SASH1: variants seen among roughly 807,000 people sequenced by gnomAD.
SASH1 encodes the protein SAM and SH3 domain containing 1.
Under a neutral mutation model 125.2 loss-of-function variants are expected in SASH1, and 44 were observed. The observed-to-expected ratio is 0.35, with a 90% CI of 0.28 to 0.45. SASH1 has a LOEUF of 0.45. Among genes scored for constraint, SASH1 ranks in the 20% least tolerant of loss-of-function variants. The pLI is 1.00. For missense variants in SASH1, 1,426 were observed against 1,614.5 expected, an observed-to-expected ratio of 0.88 and a Z score of 2.00; for synonymous variants, 639 against 649.1, an observed-to-expected ratio of 0.98 and a Z score of 0.24.
chr6:148,410,283 G>C (rs1290571426), intron 2 of SASH1, among the ~76,000 whole-genome samples: 1 of 151,532 alleles, frequency 6.6e-6, no homozygotes, highest in Non-Finnish European at 1.5e-5. Flanking sequence ...GCTAATTTTT[G>C]TATTTTTAGT....
rs6907377 is a variant in SASH1 at position 148,306,434 on chromosome 6, T to C, written n.74+34057T>C. ...GGCCTCAGCTGGGTCCCAGGGAAAC[T>C]CTTGTTGATTGGCAAGACTCTTCAC... On this transcript the variant is annotated intron_variant and non_coding_transcript_variant, in intron 1 of 3. Transcript: ENST00000367469. Among the ~76,000 whole-genome samples, 590 of 152,248 alleles carry C rather than the reference T, an allele frequency of 3.9e-3. 2 individuals are homozygous for C. Among genetic ancestry groups the C allele is most frequent in the African/African-American group, 0.014 (568 of 41,554 alleles).
intron 4 of SASH1, among the ~76,000 whole-genome samples, chr6:148,449,409 C>T (rs1315202909): frequency 5.1e-5 from 7 of 136,202 alleles, no homozygotes; most frequent in Non-Finnish European, 7.8e-5. Context: ...TTTTCTGAGA[C>T]GTAGTTTCGC....
chr6:148,376,682 G>A (rs1250797830), intron 1 of SASH1, among the ~76,000 whole-genome samples: 3 of 151,716 alleles, frequency 2.0e-5, no homozygotes, highest in Non-Finnish European at 4.4e-5. Flanking sequence ...GGGCAACATG[G>A]TGAAACTCCC....
At chr6:148,438,960 T>C (rs1184970331) in intron 2 of SASH1, among the ~76,000 whole-genome samples, 1 of 152,204 alleles carries the variant, frequency 6.6e-6, no homozygotes, top group Non-Finnish European at 1.5e-5. Flanking sequence ...AACTTTGCTC[T>C]GAGTTATACT....
intron 2 of SASH1, among the ~76,000 whole-genome samples, chr6:148,434,371 G>A (rs1475832466): frequency 1.3e-5 from 2 of 152,038 alleles, no homozygotes; most frequent in African/African-American, 2.4e-5. Context: ...CACCGTGCGC[G>A]GCCTGGAGAT....
chr6:148,270,949 G>A (rs190473339), upstream of SASH1, among the ~76,000 whole-genome samples: 28 of 137,466 alleles, frequency 2.0e-4, no homozygotes, highest in Admixed American at 1.7e-3. Flanking sequence ...CGCTCTTGTC[G>A]CCCACGCTGG....
In SASH1 at chr6:148,544,291, C is replaced by G. The variant is rs756862529; in HGVS notation, c.2821C>G (p.His941Asp). ...NYDAQPPGAK[H>D]GLARTPLEGH... Reference sequence around the variant, plus strand: ...TGATGCTCAGCCTCCTGGAGCTAAACACGGTTTAGCAAGGACGCCTCTGGA... The same window carrying G: ...TGATGCTCAGCCTCCTGGAGCTAAAGACGGTTTAGCAAGGACGCCTCTGGA... The change falls in exon 18 of 20, where the codon CAC becomes GAC. Residue 941 changes from histidine to aspartate, a missense_variant. This residue lies in a region of SASH1 where 634 missense variants were observed against 694.4 expected (regional missense o/e 0.91). Coordinates refer to ENST00000367467, the MANE Select transcript of SASH1 (RefSeq NM_015278.5). The surrounding 1 kb of genome is among the most constrained non-coding windows in gnomAD (Gnocchi z 6.4). 6 of 1,614,020 alleles carry G rather than the reference C, an allele frequency of 3.7e-6. No homozygotes were observed. In the Admixed American group the frequency reaches 1.0e-4, roughly 27 times the overall value.
chr6:148,548,349 A>G lies in SASH1; in HGVS notation c.3535A>G (p.Ile1179Val). 6.2e-7 allele frequency: 1 copy of G among 1,614,184 alleles called. No individual in the cohort carries two copies. The highest frequency in any genetic ancestry group is 8.5e-7 in the Non-Finnish European group (1 of 1,180,030). ...ICRKPVSPGC[I>V]SSVSDWLISI... ...CCGAAAGCCCGTCTCTCCTGGGTGCATTTCGTCTGTGTCAGATTGGCTCAT... is the reference window on the plus strand; with the variant it reads ...CCGAAAGCCCGTCTCTCCTGGGTGCGTTTCGTCTGTGTCAGATTGGCTCAT... Residue 1179 changes from isoleucine to valine, a missense_variant, in exon 20 of 20, where the codon ATT becomes GTT. Ile to Val is a conservative substitution (Grantham distance 29, BLOSUM62 3). This residue lies in a region of SASH1 where 634 missense variants were observed against 694.4 expected (regional missense o/e 0.91). Coordinates refer to ENST00000367467, the MANE Select transcript of SASH1 (RefSeq NM_015278.5).
chr6:148,252,483 T>TA, the SASH1 span, among the ~76,000 whole-genome samples: 5 of 148,570 alleles, frequency 3.4e-5, no homozygotes, highest in African/African-American at 1.3e-4. Flanking sequence ...TGGTTTTTTT[T>TA]CTTTTTTTTT....
chr6:148,252,047 C>T, the SASH1 span, among the ~76,000 whole-genome samples: 1 of 152,050 alleles, frequency 6.6e-6, no homozygotes, highest in Admixed American at 6.6e-5. Context: ...CTTAGCCTAA[C>T]TTAAATCCCG....
intron 8 of SASH1, among the ~76,000 whole-genome samples, chr6:148,497,825 T>G (rs1007016362): frequency 6.6e-6 from 1 of 152,172 alleles, no homozygotes; most frequent in African/African-American, 2.4e-5. Context: ...CTGGTATGAT[T>G]TTAGTAAGCA....
chr6:148,461,503 T>C lies in SASH1; in HGVS notation c.387-7042T>C, dbSNP rs569106152. On this transcript the variant is annotated intron_variant, in intron 4 of 19. Transcript: ENST00000367467. ...TGTCTCAGCCAGTGAATTCACAAGC[T>C]AAATCATGGGGCCAAGCAAGAGAGG... is the stretch of plus-strand genomic sequence containing the variant. 3.9e-5 allele frequency among the ~76,000 whole-genome samples: 6 copies of C among 152,318 alleles called. No homozygotes were observed. In the East Asian group the frequency reaches 1.2e-3, roughly 29 times the overall value.
chr6:148,402,217 T>C (rs920121574), intron 2 of SASH1, among the ~76,000 whole-genome samples: 6 of 152,240 alleles, frequency 3.9e-5, no homozygotes, highest in African/African-American at 1.4e-4. Flanking sequence ...TCTGCCTTGC[T>C]ACCTAAAGTA....
In SASH1 at chr6:148,519,599, C is replaced by G. The variant is rs1780673371; in HGVS notation, c.915C>G (p.Ala305=). 6 of 1,614,132 alleles carry G rather than the reference C, an allele frequency of 3.7e-6. No homozygotes were observed. The East Asian group carries it at 1.3e-4, about 36-fold the overall frequency. ...CGCCGGTCCTGGATGAACGGTCCGC[C>G]CTCTACTCTGGCGTGCACAAGAAGC... ...ENSPVLDERS[A]LYSGVHKKPL... is the part of the protein sequence containing the mutation. The change falls in exon 10 of 20, where the codon GCC becomes GCG. Residue 305 remains alanine, a synonymous_variant. Coordinates refer to ENST00000367467, the MANE Select transcript of SASH1 (RefSeq NM_015278.5). This position sits in a 1 kb window ranked among gnomAD's most constrained non-coding sequence, Gnocchi z 4.8.
At chr6:148,412,697 A>G (rs1708734982) in intron 2 of SASH1, among the ~76,000 whole-genome samples, 1 of 152,296 alleles carries the variant, frequency 6.6e-6, no homozygotes, top group East Asian at 1.9e-4. Context: ...TGGGGAGGGC[A>G]GCAAGTTCTT....
chr6:148,201,484 A>C, the SASH1 span, among the ~76,000 whole-genome samples: 3 of 152,024 alleles, frequency 2.0e-5, no homozygotes, highest in African/African-American at 4.8e-5. Flanking sequence ...CTCCCCCCAG[A>C]GTTTCTGATT....
At chr6:148,250,726 A>G in the SASH1 span, among the ~76,000 whole-genome samples, 1 of 152,152 alleles carries the variant, frequency 6.6e-6, no homozygotes, top group African/African-American at 2.4e-5. Context: ...TCCAAAAACT[A>G]TTTATTTGAT....
At chr6:148,378,386 A>C (rs1583050372) in intron 1 of SASH1, among the ~76,000 whole-genome samples, 3 of 126,456 alleles carry the variant, frequency 2.4e-5, no homozygotes, top group Admixed American at 7.8e-5. Flanking sequence ...ACAGGGTCTC[A>C]CTCTGTCGCC....
rs984521895 is a variant in SASH1, at chr6:148,440,236, T to G, written c.336+2T>G. 3 of 1,614,102 alleles carry G rather than the reference T, an allele frequency of 1.9e-6. No homozygotes were observed. The highest frequency in any genetic ancestry group is 2.5e-6 in the Non-Finnish European group (3 of 1,179,982). ...CTTCAGCTGCGGTCCCAGATCGAAG[T>G]AAGCACAATGACTTTAATCATCTAG... On this transcript the variant is annotated splice_donor_variant, in intron 3 of 19. Coordinates refer to ENST00000367467, the MANE Select transcript of SASH1 (RefSeq NM_015278.5). LOFTEE classifies it high-confidence loss of function.
Sources: allele counts gnomAD v4.1 joint callset (sites outside exome capture counted in the v4.1 genomes callset), GRCh38; gene constraint gnomAD v4.1.1; regional missense constraint gnomAD v4.1.1; non-coding constraint Gnocchi (gnomAD v3.1); transcripts MANE v1.5; gene names NCBI Gene and HGNC (gene_info 2026-07-23, HGNC 2026-07-21).